Variants in ZNF91 observed in about 807,000 individuals in gnomAD.
ZNF91 encodes the protein zinc finger protein 91 (HPF7, HTF10).
Under a neutral mutation model 12.6 loss-of-function variants are expected in ZNF91, and 7 were observed. The observed-to-expected ratio is 0.55, with a 90% CI of 0.31 to 1.04. ZNF91 has a LOEUF of 1.04. Ranked by LOEUF, ZNF91 falls within the 50% of genes least tolerant of loss-of-function variation. ZNF91 has a pLI of 0.05. For synonymous variants in ZNF91, 453 were observed against 462.6 expected (o/e 0.98, Z 0.27); for missense variants, 1,217 against 1,385.4 (o/e 0.88, Z 1.93).
chr19:23,384,123 T>C (rs1030695436), intron 1 of ZNF91, among the ~76,000 whole-genome samples: 2 of 152,052 alleles, frequency 1.3e-5, no homozygotes, highest in Non-Finnish European at 2.9e-5. Flanking sequence ...AAAATTAAAA[T>C]TAAAATTAAA....
chr19:23,371,516 A>G (rs1053646353), intron 3 of ZNF91, among the ~76,000 whole-genome samples: 3 of 152,238 alleles, frequency 2.0e-5, no homozygotes, highest in African/African-American at 7.2e-5. Context: ...TAAAGTATAC[A>G]AACAGAATTG....
At chr19:23,356,710 C>T (rs1968495820), downstream of ZNF91, among the ~76,000 whole-genome samples, 1 of 151,728 alleles carries the variant, frequency 6.6e-6, no homozygotes. Context: ...CAAATACCAC[C>T]TGTACATAAG....
intron 1 of ZNF91, among the ~76,000 whole-genome samples, chr19:23,317,422 G>T (rs1306929768): frequency 6.6e-6 from 1 of 152,120 alleles, no homozygotes; most frequent in Non-Finnish European, 1.5e-5. Context: ...TTGGAGAGAA[G>T]TTGACCCAGA....
At chr19:23,351,486 A>G (rs138281773) in intron 3 of ZNF91, among the ~76,000 whole-genome samples, 45 of 152,308 alleles carry the variant, frequency 3.0e-4, no homozygotes, top group African/African-American at 1.1e-3. Context: ...AGATCCTTTC[A>G]CTGTCATGAG....
At chr19:23,373,907 A>T in intron 2 of ZNF91, 70 bp from the exon 3 acceptor site, 2 of 1,005,174 alleles carry the variant, frequency 2.0e-6, no homozygotes, top group Non-Finnish European at 2.9e-6. Context: ...TAATGTGCTC[A>T]GTAAAGAGCA....
chr19:23,373,936 T>A, intron 2 of ZNF91, 99 bp from the exon 3 acceptor site: 1 of 660,302 alleles, frequency 1.5e-6, no homozygotes, highest in African/African-American at 1.9e-5. Flanking sequence ...AATATTCTAA[T>A]AAATTGTCCC....
intron 1 of ZNF91, among the ~76,000 whole-genome samples, chr19:23,329,780 T>C (rs1311984263): frequency 6.6e-6 from 1 of 152,190 alleles, no homozygotes; most frequent in East Asian, 1.9e-4. Context: ...AAAATAGTGA[T>C]GTTGTCTGCT....
At chr19:23,374,287 T>C (rs780885016) in intron 2 of ZNF91, among the ~76,000 whole-genome samples, 6 of 149,720 alleles carry the variant, frequency 4.0e-5, no homozygotes, top group Non-Finnish European at 8.8e-5. Context: ...ATGAAGCCTG[T>C]AATCCCAGCA....
In ZNF91 at chr19:23,394,525, G is replaced by A. The variant is rs1170996935; in HGVS notation, c.30+800C>T. Among the ~76,000 whole-genome samples the A allele has an allele frequency of 2.6e-5, 4 of 152,048 alleles. No homozygotes were observed. The East Asian group carries it at 7.7e-4, about 29-fold the overall frequency. Reference sequence around the variant, plus strand: ...GTGGGTGGATCACCTAAGGTCAGGAGTTCCAGACCAGCCTGGCCAACAAGG... The same window carrying A: ...GTGGGTGGATCACCTAAGGTCAGGAATTCCAGACCAGCCTGGCCAACAAGG... On this transcript the variant is annotated intron_variant, in intron 1 of 3. Coordinates refer to ENST00000300619, the MANE Select transcript of ZNF91 (RefSeq NM_003430.4).
chr19:23,317,068 C>T (rs1331599182), intron 1 of ZNF91, among the ~76,000 whole-genome samples: 2 of 150,238 alleles, frequency 1.3e-5, no homozygotes, highest in Non-Finnish European at 3.0e-5. Context: ...TTTTTTGAGG[C>T]GGAGTCTCGC....
intron 1 of ZNF91, among the ~76,000 whole-genome samples, chr19:23,388,989 G>A (rs1333744208): frequency 6.6e-6 from 1 of 152,116 alleles, no homozygotes. Flanking sequence ...AGACACTGAC[G>A]CCTAGTTGAG....
At chr19:23,343,274 A>C (rs2145009758) in intron 3 of ZNF91, among the ~76,000 whole-genome samples, 1 of 152,296 alleles carries the variant, frequency 6.6e-6, no homozygotes, top group South Asian at 2.1e-4. Flanking sequence ...ATTTTGTTAA[A>C]ATATGGATTC....
At position 23,374,683 on chromosome 19, in the gene ZNF91, A is replaced by G; in HGVS notation, c.112T>C (p.Tyr38His). 6.2e-7 allele frequency: 1 copy of G among 1,613,220 alleles called. No homozygotes were observed. Among genetic ancestry groups the G allele is most frequent in the Non-Finnish European group, 8.5e-7 (1 of 1,179,620 alleles). ...QCLDTAQQNL[Y>H]RNVMLENYRN... is the part of the protein sequence containing the mutation. ...TAGTTCTCTAACATCACATTCCTAT[A>G]TAAATTCTGCTGTGCAGTGTCCAGA... The change falls in exon 2 of 4, where the codon TAT (tyrosine) becomes CAT (histidine). Residue 38 changes from tyrosine (Y) to histidine (H), a missense_variant. Physicochemically the swap from Tyr to His is moderately conservative, Grantham distance 83. Coordinates refer to ENST00000300619, the MANE Select transcript of ZNF91 (RefSeq NM_003430.4).
intron 3 of ZNF91, among the ~76,000 whole-genome samples, chr19:23,368,518 CT>C: frequency 1.7e-5 from 1 of 58,134 alleles, no homozygotes; most frequent in East Asian, 5.1e-4. Flanking sequence ...CCATCTCTCT[CT>C]CTCTCTCTCT....
At chr19:23,326,252 C>T (rs1967835008) in intron 1 of ZNF91, 1 of 152,188 alleles carries the variant, frequency 6.6e-6, no homozygotes, top group Non-Finnish European at 1.5e-5. Context: ...TCTCCCACCT[C>T]AAGAATATTT....
chr19:23,382,259 T>C (rs1568401352), intron 1 of ZNF91, among the ~76,000 whole-genome samples: 1 of 152,198 alleles, frequency 6.6e-6, no homozygotes, highest in Non-Finnish European at 1.5e-5. Flanking sequence ...TCTCTAAACA[T>C]GTTCTTGAAC....
intron 3 of ZNF91, among the ~76,000 whole-genome samples, chr19:23,351,884 C>A (rs1968376895): frequency 6.6e-6 from 1 of 152,126 alleles, no homozygotes; most frequent in South Asian, 2.1e-4. Flanking sequence ...AGTAGGGAGG[C>A]CCTGGGAGCT....
At chr19:23,324,474 C>A (rs1967798414) in intron 1 of ZNF91, 1 of 151,758 alleles carries the variant, frequency 6.6e-6, no homozygotes, top group South Asian at 2.1e-4. Context: ...TTTATATTAG[C>A]TTTTGGAGGA....
downstream of ZNF91, among the ~76,000 whole-genome samples, chr19:23,353,081 A>T (rs546618886): frequency 2.3e-3 from 353 of 152,336 alleles, 1 homozygote; most frequent in African/African-American, 8.2e-3. Context: ...GAAACAATGG[A>T]TTTAAACTAT....
Sources: allele counts gnomAD v4.1 joint callset (sites outside exome capture counted in the v4.1 genomes callset), GRCh38; gene constraint gnomAD v4.1.1; transcripts MANE v1.5; gene names NCBI Gene and HGNC (gene_info 2026-07-23, HGNC 2026-07-21).